Variants in NAMPT observed in about 807,000 individuals in gnomAD.
NAMPT encodes the protein NAmPRTase.
Under a neutral mutation model 58.7 loss-of-function variants are expected in NAMPT, and 7 were observed. That is an observed-to-expected ratio of 0.12 (90% CI 0.07 to 0.22). The LOEUF (loss-of-function observed/expected upper bound fraction) is 0.22, where lower values mean the gene tolerates loss of function less well. NAMPT is among the 10% of genes least tolerant of loss of function. The pLI is 1.00. For missense variants in NAMPT, 271 were observed against 567.9 expected, an observed-to-expected ratio of 0.48 and a Z score of 5.31; for synonymous variants, 145 against 198.1, an observed-to-expected ratio of 0.73 and a Z score of 2.25.
At chr7:106,256,155 T>G (rs1204136297) in intron 8 of NAMPT, among the ~76,000 whole-genome samples, 4 of 152,160 alleles carry the variant, frequency 2.6e-5, no homozygotes, top group Non-Finnish European at 5.9e-5. Flanking sequence ...AATAAATCAC[T>G]CCAATAGAAG....
intron 1 of NAMPT, among the ~76,000 whole-genome samples, chr7:106,281,544 A>C (rs1792764256): frequency 6.6e-6 from 1 of 152,230 alleles, no homozygotes; most frequent in African/African-American, 2.4e-5. Flanking sequence ...ATCTAAGGGC[A>C]ATCAGAAGAG....
At position 106,263,645 on chromosome 7, in the gene NAMPT, T is replaced by C. The variant is rs778300482; in HGVS notation, c.744-28A>G. The C allele has an allele frequency of 1.6e-5, 24 of 1,537,820 alleles. No individual in the cohort carries two copies. The South Asian group carries it at 2.1e-4, about 14-fold the overall frequency. ...AGAAAAAAAAATGAAAACACAGATT[T>C]ACTTAGGCAGACACTTGATCTATCC... is the stretch of plus-strand genomic sequence containing the variant. On this transcript the variant is annotated intron_variant, in intron 6 of 10. Coordinates refer to ENST00000222553, the MANE Select transcript of NAMPT (RefSeq NM_005746.3).
intron 1 of NAMPT, among the ~76,000 whole-genome samples, chr7:106,278,119 A>G (rs1792687090): frequency 6.6e-6 from 1 of 152,188 alleles, no homozygotes; most frequent in African/African-American, 2.4e-5. Flanking sequence ...CACTGTGAAC[A>G]TAAATCATTT....
At chr7:106,261,482 CACTT>C (rs957642322) in intron 8 of NAMPT, 102 bp downstream of exon 8, 1 of 937,572 alleles carries the variant, frequency 1.1e-6, no homozygotes, top group Non-Finnish European at 1.6e-6. Flanking sequence ...CCAACATAAA[CACTT>C]ACAAAGACTT....
At chr7:106,278,183 C>T (rs1792688539) in intron 1 of NAMPT, among the ~76,000 whole-genome samples, 1 of 152,164 alleles carries the variant, frequency 6.6e-6, no homozygotes, top group Non-Finnish European at 1.5e-5. Flanking sequence ...TCTTTGGGTA[C>T]ACAGTCTCAA....
intron 10 of NAMPT, among the ~76,000 whole-genome samples, chr7:106,251,948 C>G (rs1792111344): frequency 6.6e-6 from 1 of 151,644 alleles, no homozygotes; most frequent in Non-Finnish European, 1.5e-5. Context: ...TCCACCTAGT[C>G]TGAAGATTGA....
intron 1 of NAMPT, among the ~76,000 whole-genome samples, chr7:106,282,889 A>G (rs1247159444): frequency 6.6e-6 from 1 of 152,238 alleles, no homozygotes; most frequent in Admixed American, 6.5e-5. Flanking sequence ...TAATTTCTAA[A>G]TAAGTTTCAT....
At chr7:106,253,246 T>C in intron 9 of NAMPT, 95 bp from the exon 10 acceptor site, 1 of 1,342,866 alleles carries the variant, frequency 7.4e-7, no homozygotes, top group South Asian at 1.4e-5. Context: ...ATAATTTACA[T>C]TTAAGTTTTA....
chr7:106,264,108 TCTTATA>T (rs1792364456), intron 6 of NAMPT, among the ~76,000 whole-genome samples: 1 of 152,078 alleles, frequency 6.6e-6, no homozygotes, highest in Non-Finnish European at 1.5e-5. Flanking sequence ...CCTTTCAAAA[TCTTATA>T]CTTAGAGGCA....
At chr7:106,263,191 A>G (rs375407967) in intron 7 of NAMPT, 32 of 534,882 alleles carry the variant, frequency 6.0e-5, no homozygotes, top group South Asian at 4.1e-4. Flanking sequence ...TGACAGTAAA[A>G]CAATCCATAA....
At chr7:106,284,738 A>AACCC in intron 1 of NAMPT, 90 bp downstream of exon 1, 40 of 485,984 alleles carry the variant, frequency 8.2e-5, no homozygotes, top group Non-Finnish European at 1.0e-4. Flanking sequence ...CCCAGCCCCA[A>AACCC]CCCCAGCCCC....
At chr7:106,255,610 T>G (rs1402562633) in intron 8 of NAMPT, among the ~76,000 whole-genome samples, 1 of 152,220 alleles carries the variant, frequency 6.6e-6, no homozygotes, top group Non-Finnish European at 1.5e-5. Context: ...TCTTTTTAAA[T>G]GCCAACCATC....
At chr7:106,255,109 A>C (rs1032776980) in intron 8 of NAMPT, among the ~76,000 whole-genome samples, 2 of 152,220 alleles carry the variant, frequency 1.3e-5, no homozygotes, top group African/African-American at 4.8e-5. Flanking sequence ...GTGGGTGTTA[A>C]GATTACTGTA....
intron 1 of NAMPT, among the ~76,000 whole-genome samples, chr7:106,278,450 G>GTGA (rs1792694233): frequency 6.6e-6 from 1 of 152,092 alleles, no homozygotes; most frequent in Non-Finnish European, 1.5e-5. Flanking sequence ...ACAACAGATA[G>GTGA]TGATATACTA....
chr7:106,276,903 C>CACACCAAATTATATGATTTAAT, intron 2 of NAMPT, 120 bp downstream of exon 2: 1 of 786,356 alleles, frequency 1.3e-6, no homozygotes, highest in Non-Finnish European at 2.0e-6. Flanking sequence ...ACATCAAACA[C>CACACCAAATTATATGATTTAAT]ACACCAAATT....
At chr7:106,285,131 T>C (rs914951826), upstream of NAMPT, 11 of 1,299,760 alleles carry the variant, frequency 8.5e-6, no homozygotes, top group Non-Finnish European at 1.1e-5. Flanking sequence ...ACTCCCCACC[T>C]CGGTTCCCCC....
rs914527783 is a variant in NAMPT, at chr7:106,261,782, G to T, written c.970-75C>A. The T allele has an allele frequency of 1.2e-5, 17 of 1,453,706 alleles. No homozygotes were observed. The African/African-American group carries it at 2.1e-4, about 18-fold the overall frequency. 90.1% of individuals were successfully genotyped at this position (1,453,706 alleles called of 1,614,324 possible). On this transcript the variant is annotated intron_variant, in intron 7 of 10. Coordinates refer to ENST00000222553, the MANE Select transcript of NAMPT (RefSeq NM_005746.3). Reference sequence around the variant, plus strand: ...GTATAAGAGCTTTTCAAAGTTAAATGATTTTGCTTTGATAATCGAGAATAT... The same window carrying T: ...GTATAAGAGCTTTTCAAAGTTAAATTATTTTGCTTTGATAATCGAGAATAT...
chr7:106,267,101 T>C (rs1382562009), intron 6 of NAMPT, among the ~76,000 whole-genome samples: 1 of 152,250 alleles, frequency 6.6e-6, no homozygotes, highest in Non-Finnish European at 1.5e-5. Context: ...AAGTGCCCAA[T>C]GTTGGCTATT....
intron 8 of NAMPT, among the ~76,000 whole-genome samples, chr7:106,259,446 G>T (rs923314981): frequency 2.0e-5 from 3 of 151,706 alleles, no homozygotes; most frequent in Non-Finnish European, 4.4e-5. Flanking sequence ...TCTTTTTTTT[G>T]AGACGGAGTT....
Sources: gnomAD v4.1 joint callset for allele counts (sites outside exome capture counted in the v4.1 genomes callset) on GRCh38, gnomAD v4.1.1 for gene constraint, MANE v1.5 for transcripts, NCBI Gene and HGNC (gene_info 2026-07-23, HGNC 2026-07-21) for gene names.